Variants in COL24A1 observed in about 807,000 individuals in gnomAD.
COL24A1 encodes collagen alpha-1(XXIV) chain.
A neutral mutation model predicts 253.9 loss-of-function variants in COL24A1; 224 were observed. The ratio of observed to expected loss-of-function variants is 0.88; its 90% CI spans 0.79 to 0.99. The LOEUF (loss-of-function observed/expected upper bound fraction) is 0.99. Among genes scored for constraint, COL24A1 ranks in the 50% least tolerant of loss-of-function variants. COL24A1 has a pLI of 0.00. For synonymous variants in COL24A1, 685 were observed against 673.7 expected, an observed-to-expected ratio of 1.02 and a Z score of -0.26; for missense variants, 2,131 against 2,068.5, an observed-to-expected ratio of 1.03 and a Z score of -0.59.
At chr1:85,787,287 G>A (rs187240760) in intron 47 of COL24A1, among the ~76,000 whole-genome samples, 1 of 151,450 alleles carries the variant, frequency 6.6e-6, no homozygotes, top group South Asian at 2.1e-4. Context: ...ATGGTGATTT[G>A]CTCCAGCTAT....
chr1:86,001,536 C>T (rs17413771), intron 19 of COL24A1, among the ~76,000 whole-genome samples: 10,931 of 152,200 alleles, frequency 0.072, 450 homozygotes, highest in Middle Eastern at 0.13. Flanking sequence ...TGACATTTTG[C>T]ATTAGTTTCA....
At chr1:85,858,247 C>T (rs900958973) in intron 37 of COL24A1, among the ~76,000 whole-genome samples, 4 of 152,210 alleles carry the variant, frequency 2.6e-5, no homozygotes, top group African/African-American at 9.6e-5. Flanking sequence ...CTGTTCAAAA[C>T]CTTCCAAATG....
At chr1:85,818,187 A>G (rs1242221850) in intron 45 of COL24A1, 100 bp from the exon 46 acceptor site, 3 of 841,808 alleles carry the variant, frequency 3.6e-6, no homozygotes, top group Non-Finnish European at 6.0e-6. Flanking sequence ...AGCAAGAACT[A>G]GCACGAACTA....
At chr1:85,797,869 G>T (rs1364112786) in intron 47 of COL24A1, among the ~76,000 whole-genome samples, 1 of 152,050 alleles carries the variant, frequency 6.6e-6, no homozygotes, top group Non-Finnish European at 1.5e-5. Context: ...GTCAACAGAG[G>T]CTAGACCACG....
At chr1:86,036,210 C>T (rs747532687) in intron 12 of COL24A1, among the ~76,000 whole-genome samples, 3 of 151,978 alleles carry the variant, frequency 2.0e-5, no homozygotes, top group Non-Finnish European at 4.4e-5. Flanking sequence ...TCTTCTCAAA[C>T]TCCCAGCTTC....
Position 85,968,590 on chromosome 1 carries a change from G to C in COL24A1, c.2463+1637C>G, listed in dbSNP as rs186280620. Among the ~76,000 whole-genome samples, 312 of 152,170 alleles carry C rather than the reference G, an allele frequency of 2.1e-3. 10 individuals carry two copies. The South Asian group carries it at 0.052, about 25-fold the overall frequency. On this transcript the variant is annotated intron_variant, in intron 22 of 59. Coordinates refer to ENST00000370571, the MANE Select transcript of COL24A1 (RefSeq NM_152890.7). ...TATCAATTGTTCTCTACTTAATTTA[G>C]ATATACAGAACAAGAAATATAGTTA... is the stretch of plus-strand genomic sequence containing the variant.
intron 47 of COL24A1, among the ~76,000 whole-genome samples, chr1:85,805,508 A>G (rs369435380): frequency 2.6e-5 from 4 of 152,340 alleles, no homozygotes; most frequent in African/African-American, 9.6e-5. Flanking sequence ...AAATAAGAAT[A>G]TAAAAAGCCT....
At chr1:85,982,245 C>G (rs12074924) in intron 20 of COL24A1, among the ~76,000 whole-genome samples, 1 of 151,950 alleles carries the variant, frequency 6.6e-6, no homozygotes, top group African/African-American at 2.4e-5. Flanking sequence ...AAATAGGATG[C>G]TAATTGCCAG....
chr1:85,914,739 A>G (rs1225852732), intron 24 of COL24A1, among the ~76,000 whole-genome samples: 1 of 152,128 alleles, frequency 6.6e-6, no homozygotes, highest in African/African-American at 2.4e-5. Flanking sequence ...TTATAACAGT[A>G]TCTAAGTATG....
At chr1:86,052,070 G>T (rs1404213465) in intron 10 of COL24A1, among the ~76,000 whole-genome samples, 1 of 152,062 alleles carries the variant, frequency 6.6e-6, no homozygotes, top group Non-Finnish European at 1.5e-5. Context: ...GACAGAGGGT[G>T]AAATAGGGGT....
At chr1:85,946,472 C>T (rs770285462) in intron 24 of COL24A1, among the ~76,000 whole-genome samples, 22 of 152,132 alleles carry the variant, frequency 1.4e-4, no homozygotes, top group Non-Finnish European at 2.6e-4. Context: ...ACACAGTGTC[C>T]TAAGGTATCT....
In COL24A1 at chr1:85,868,625, C is replaced by T. The variant is rs930295130; in HGVS notation, c.3194G>A (p.Gly1065Glu). Reference sequence around the variant, plus strand: ...AGGAAGTCCCCTTCCTCCTGGTACTCCCTGTAATGCAATAAAAAAGTTTTC... The same window carrying T: ...AGGAAGTCCCCTTCCTCCTGGTACTTCCTGTAATGCAATAAAAAAGTTTTC... Reference protein sequence around the residue: ...EGLQGKDGLKGVPGGRGLPGE... With the variant: ...EGLQGKDGLKEVPGGRGLPGE... Residue 1065 changes from glycine to glutamate, a missense_variant and splice_region_variant, in exon 37 of 60, where the codon GGA becomes GAA. Gly to Glu is a moderately conservative substitution (Grantham distance 98, BLOSUM62 -2). Coordinates refer to ENST00000370571, the MANE Select transcript of COL24A1 (RefSeq NM_152890.7). 38 of 1,611,408 alleles carry T rather than the reference C, an allele frequency of 2.4e-5. No individual in the cohort carries two copies. The highest frequency in any genetic ancestry group is 1.6e-4 in the Middle Eastern group (1 of 6,068).
intron 53 of COL24A1, among the ~76,000 whole-genome samples, chr1:85,765,053 ATT>A (rs1369813476): frequency 1.3e-5 from 2 of 152,216 alleles, no homozygotes; most frequent in Non-Finnish European, 2.9e-5. Flanking sequence ...GATTTATACT[ATT>A]TATGAATTTT....
intron 55 of COL24A1, among the ~76,000 whole-genome samples, chr1:85,746,292 C>G (rs432254): frequency 6.6e-6 from 1 of 152,162 alleles, no homozygotes; most frequent in Non-Finnish European, 1.5e-5. Context: ...TATCTCATAG[C>G]TCATGGTTGG....
chr1:85,904,878 C>T (rs1392317646), intron 28 of COL24A1, among the ~76,000 whole-genome samples: 1 of 152,088 alleles, frequency 6.6e-6, no homozygotes, highest in South Asian at 2.1e-4. Flanking sequence ...AGTCTAGAAT[C>T]CTCCATGGTA....
At chr1:86,031,424 G>A (rs926112927) in intron 14 of COL24A1, among the ~76,000 whole-genome samples, 1 of 152,022 alleles carries the variant, frequency 6.6e-6, no homozygotes, top group Non-Finnish European at 1.5e-5. Context: ...AATAATAAGT[G>A]CTTGAGGTGA....
chr1:86,148,015 T>C (rs1391570707), intron 1 of COL24A1, among the ~76,000 whole-genome samples: 1 of 152,142 alleles, frequency 6.6e-6, no homozygotes, highest in Non-Finnish European at 1.5e-5. Context: ...AATATGCATT[T>C]ATAACAAGTT....
rs559660278 is a variant in COL24A1, at chr1:85,993,940, C to A, written c.2311-6286G>T. 3.3e-5 allele frequency among the ~76,000 whole-genome samples: 5 copies of A among 152,012 alleles called. No homozygotes were observed. In the East Asian group the frequency reaches 7.7e-4, roughly 23 times the overall value. Reference sequence around the variant, plus strand: ...TTAAATTATAATAACAGCTTTAAAACAAATTACATATTTTGGAAAATTGAA... The same window carrying A: ...TTAAATTATAATAACAGCTTTAAAAAAAATTACATATTTTGGAAAATTGAA... On this transcript the variant is annotated intron_variant, in intron 19 of 59. Coordinates refer to ENST00000370571, the MANE Select transcript of COL24A1 (RefSeq NM_152890.7).
chr1:85,970,331 A>G (rs1400510242), intron 21 of COL24A1, 60 bp from the exon 22 acceptor site: 2 of 1,398,220 alleles, frequency 1.4e-6, no homozygotes, highest in African/African-American at 2.9e-5. Context: ...AAAAATGTAA[A>G]CTCTTATTTT....
Sources: allele counts gnomAD v4.1 joint callset (sites outside exome capture counted in the v4.1 genomes callset), GRCh38; gene constraint gnomAD v4.1.1; transcripts MANE v1.5; gene names NCBI Gene and HGNC (gene_info 2026-07-23, HGNC 2026-07-21).